The following FAF1 variants were observed in gnomAD, a reference collection of about 807,000 sequenced individuals.
The protein encoded by FAF1 is Fas associated factor 1, also known as FAS-associated factor 1.
FAF1 carries 25 observed loss-of-function variants against 92.5 expected under a neutral mutation model. The observed-to-expected ratio is 0.27, with a 90% CI of 0.20 to 0.38. The LOEUF is 0.38. FAF1 is among the 10% of genes least tolerant of loss of function. The pLI is 1.00. For synonymous variants in FAF1, 234 were observed against 273.2 expected (o/e 0.86, Z 1.42); for missense variants, 636 against 793.3 (o/e 0.80, Z 2.38).
At chr1:50,535,924 G>A (rs184506299) in intron 14 of FAF1, among the ~76,000 whole-genome samples, 3 of 152,208 alleles carry the variant, frequency 2.0e-5, no homozygotes, top group Admixed American at 1.3e-4. Context: ...ATGAGTCTTA[G>A]CTCAAAAAAA....
chr1:50,700,828 A>G (rs1657444069), intron 7 of FAF1, among the ~76,000 whole-genome samples: 1 of 152,128 alleles, frequency 6.6e-6, no homozygotes, highest in South Asian at 2.1e-4. Context: ...AAAGATATCC[A>G]ATCCAGATTA....
chr1:50,906,893 C>T (rs549424969), intron 1 of FAF1, among the ~76,000 whole-genome samples: 5 of 152,148 alleles, frequency 3.3e-5, no homozygotes, highest in Non-Finnish European at 7.3e-5. Context: ...CCTGGTTGCC[C>T]TGGCCAGAAC....
chr1:50,860,366 T>C (rs528100899), intron 1 of FAF1, among the ~76,000 whole-genome samples: 1 of 151,666 alleles, frequency 6.6e-6, no homozygotes, highest in East Asian at 1.9e-4. Flanking sequence ...TGTGACAAGA[T>C]CTAATATCCA....
chr1:50,454,960 T>C lies in FAF1; in HGVS notation c.1870-13437A>G, dbSNP rs117484059. ...CTGAAAGACTGATCTACTGAATGACTAAATGGAAACTCCCCACTCCTCCCT... is the reference window on the plus strand; with the variant it reads ...CTGAAAGACTGATCTACTGAATGACCAAATGGAAACTCCCCACTCCTCCCT... On this transcript the variant is annotated intron_variant, in intron 18 of 18. Transcript: ENST00000396153. Among the ~76,000 whole-genome samples the C allele has an allele frequency of 1.1e-4, 17 of 152,336 alleles. No individual in the cohort carries two copies. The East Asian group carries it at 3.3e-3, about 29-fold the overall frequency.
intron 18 of FAF1, chr1:50,469,346 C>T (rs1646541465): frequency 6.6e-6 from 1 of 152,172 alleles, no homozygotes; most frequent in Admixed American, 6.5e-5. Context: ...AACACCACAC[C>T]TGTCTTGGTA....
intron 6 of FAF1, among the ~76,000 whole-genome samples, chr1:50,735,618 C>G (rs886314566): frequency 3.9e-5 from 6 of 152,122 alleles, no homozygotes; most frequent in Non-Finnish European, 7.4e-5. Flanking sequence ...TGTTTTTTAA[C>G]AGGACATGGT....
At chr1:50,766,864 GA>G (rs1018159969) in intron 4 of FAF1, among the ~76,000 whole-genome samples, 3 of 143,280 alleles carry the variant, frequency 2.1e-5, no homozygotes, top group African/African-American at 7.8e-5. Context: ...AGCTCATACA[GA>G]TGAGAAAGAA....
At chr1:50,913,406 C>T (rs138000558) in intron 1 of FAF1, among the ~76,000 whole-genome samples, 7 of 152,310 alleles carry the variant, frequency 4.6e-5, no homozygotes, top group Admixed American at 3.9e-4. Flanking sequence ...GTGGCATGTG[C>T]AACTTACTCA....
chr1:50,559,007 T>C (rs1201185340), intron 13 of FAF1, among the ~76,000 whole-genome samples: 1 of 152,166 alleles, frequency 6.6e-6, no homozygotes, highest in Non-Finnish European at 1.5e-5. Flanking sequence ...TCCCAGCACT[T>C]TGAGAGGCCA....
chr1:50,746,292 ATTTTTTTTTTTTTT>A (rs1165741663), intron 4 of FAF1, among the ~76,000 whole-genome samples: 5 of 22,680 alleles, frequency 2.2e-4, no homozygotes, highest in Admixed American at 1.7e-3. Flanking sequence ...ATATATATAT[ATTTTTTTTTTTTTT>A]TTTTTTTTTT....
chr1:50,643,596 AT>A (rs1654446558), intron 8 of FAF1, among the ~76,000 whole-genome samples: 2 of 151,956 alleles, frequency 1.3e-5, no homozygotes, highest in Non-Finnish European at 2.9e-5. Flanking sequence ...TTTAAAAAAA[AT>A]TTTTCTTTTA....
Position 50,889,163 on chromosome 1 carries a change from C to T in FAF1, c.46-31166G>A, listed in dbSNP as rs1466380931. On this transcript the variant is annotated intron_variant, in intron 1 of 18. Transcript: ENST00000396153. ...TAGTTTATTTGCGTAGAGGTGTTTA[C>T]AGTATTCTCTGATGGTAGTTTGTAT... Among the ~76,000 whole-genome samples, 3 of 152,212 alleles carry T rather than the reference C, an allele frequency of 2.0e-5. No individual in the cohort carries two copies. In the East Asian group the frequency reaches 5.8e-4, roughly 29 times the overall value.
intron 8 of FAF1, among the ~76,000 whole-genome samples, chr1:50,611,579 A>G (rs1002091655): frequency 1.3e-5 from 2 of 152,192 alleles, no homozygotes; most frequent in Non-Finnish European, 1.5e-5. Flanking sequence ...TTTTACTTCA[A>G]TTTAAACTCA....
intron 1 of FAF1, among the ~76,000 whole-genome samples, chr1:50,911,533 C>CA (rs1489178076): frequency 6.7e-6 from 1 of 148,312 alleles, no homozygotes; most frequent in Admixed American, 6.7e-5. Context: ...CCATCTCTAC[C>CA]AAAAAACACA....
chr1:50,939,202 A>G (rs979337806), intron 1 of FAF1, among the ~76,000 whole-genome samples: 2 of 152,208 alleles, frequency 1.3e-5, no homozygotes, highest in African/African-American at 2.4e-5. Flanking sequence ...CATAAGCATG[A>G]AATGTTTTTT....
chr1:50,945,140 C>A (rs576045029), intron 1 of FAF1, among the ~76,000 whole-genome samples: 1 of 152,288 alleles, frequency 6.6e-6, no homozygotes, highest in Admixed American at 6.5e-5. Context: ...AATACCTTGA[C>A]AATCAGTTCA....
intron 12 of FAF1, among the ~76,000 whole-genome samples, chr1:50,567,753 T>C (rs1215190965): frequency 6.6e-6 from 1 of 152,112 alleles, no homozygotes; most frequent in Non-Finnish European, 1.5e-5. Context: ...TAGATAATTT[T>C]AAAGTCCTTA....
chr1:50,463,742 G>GT (rs1646460799), intron 18 of FAF1, among the ~76,000 whole-genome samples: 1 of 152,162 alleles, frequency 6.6e-6, no homozygotes, highest in African/African-American at 2.4e-5. Flanking sequence ...GGAAAAGGCT[G>GT]TAAAAACTGA....
chr1:50,567,036 TAATAGAAG>T, intron 13 of FAF1, 33 bp downstream of exon 13: 1 of 1,448,028 alleles, frequency 6.9e-7, no homozygotes. Context: ...ATTTTTTTTT[TAATAGAAG>T]CCCAACTTGT....
Sources: allele counts gnomAD v4.1 joint callset (sites outside exome capture counted in the v4.1 genomes callset), GRCh38; gene constraint gnomAD v4.1.1; transcripts MANE v1.5; gene names NCBI Gene and HGNC (gene_info 2026-07-23, HGNC 2026-07-21).